PEBP4: variants seen among roughly 807,000 people sequenced by gnomAD.
PEBP4 encodes phosphatidylethanolamine-binding protein 4.
PEBP4 carries 22 observed loss-of-function variants against 23.9 expected under a neutral mutation model. That is an observed-to-expected ratio of 0.92 (90% CI 0.66 to 1.31). PEBP4 has a LOEUF of 1.31. PEBP4 is among the 40% of genes most tolerant of loss of function. PEBP4 has a pLI of 0.00. For missense variants in PEBP4, 324 were observed against 281.7 expected (o/e 1.15, Z -1.07); for synonymous variants, 112 against 99.3 (o/e 1.13, Z -0.76).
rs368572934 is a variant in PEBP4 at position 22,827,933 on chromosome 8, G to C, written c.259-10198C>G. On this transcript the variant is annotated intron_variant, in intron 3 of 6. Transcript: ENST00000256404. Reference sequence around the variant, plus strand: ...TGGCCATGCTAGTGGGTGTAAACTGGTATCTCATGTTTTTAATTTGCATTT... The same window carrying C: ...TGGCCATGCTAGTGGGTGTAAACTGCTATCTCATGTTTTTAATTTGCATTT... Among the ~76,000 whole-genome samples, 3 of 152,256 alleles carry C rather than the reference G, an allele frequency of 2.0e-5. No individual in the cohort carries two copies. The East Asian group carries it at 5.8e-4, about 29-fold the overall frequency.
chr8:22,783,669 TTTTTG>T (rs1447169401), intron 4 of PEBP4, among the ~76,000 whole-genome samples: 1 of 152,052 alleles, frequency 6.6e-6, no homozygotes, highest in Admixed American at 6.6e-5. Context: ...TGGTTTTTGG[TTTTTG>T]TTTTGTTTTG....
At chr8:22,723,889 T>C (rs976229070) in intron 6 of PEBP4, among the ~76,000 whole-genome samples, 1 of 152,170 alleles carries the variant, frequency 6.6e-6, no homozygotes, top group Non-Finnish European at 1.5e-5. Context: ...CTGTGGGGCC[T>C]CCGGCATCGC....
rs1809105322 is a variant in PEBP4 at position 22,917,620 on chromosome 8, C to T, written c.258+2564G>A. Reference sequence around the variant, plus strand: ...CTGTACTTGGCCAGATTACTCACTTCCATAGGACCTGCCTTGCATTTCCTA... The same window carrying T: ...CTGTACTTGGCCAGATTACTCACTTTCATAGGACCTGCCTTGCATTTCCTA... On this transcript the variant is annotated intron_variant, in intron 3 of 6. Coordinates refer to ENST00000256404, the MANE Select transcript of PEBP4 (RefSeq NM_144962.3). 2.0e-5 allele frequency among the ~76,000 whole-genome samples: 3 copies of T among 147,236 alleles called. No individual in the cohort carries two copies. In the South Asian group the frequency reaches 6.3e-4, roughly 31 times the overall value.
intron 3 of PEBP4, among the ~76,000 whole-genome samples, chr8:22,918,620 T>A (rs750383512): frequency 7.2e-5 from 11 of 152,150 alleles, no homozygotes; most frequent in Non-Finnish European, 1.2e-4. Context: ...AGGGAGCCCT[T>A]TGGGGAGAAT....
intron 4 of PEBP4, among the ~76,000 whole-genome samples, chr8:22,768,850 G>A (rs990127067): frequency 5.3e-5 from 8 of 152,162 alleles, no homozygotes; most frequent in Non-Finnish European, 1.2e-4. Context: ...CGAGGCAGAA[G>A]GTTCTAGAGG....
At chr8:22,815,586 G>A (rs954598957) in intron 4 of PEBP4, among the ~76,000 whole-genome samples, 6 of 152,206 alleles carry the variant, frequency 3.9e-5, no homozygotes, top group Non-Finnish European at 8.8e-5. Flanking sequence ...TATCGCTGCC[G>A]CTTCCTGCTG....
chr8:22,801,905 G>T (rs1205808631), intron 4 of PEBP4, among the ~76,000 whole-genome samples: 1 of 152,106 alleles, frequency 6.6e-6, no homozygotes, highest in East Asian at 1.9e-4. Context: ...TTTCTATGGT[G>T]ACTCCTGCCA....
intron 3 of PEBP4, among the ~76,000 whole-genome samples, chr8:22,842,137 A>T (rs1453652757): frequency 6.6e-6 from 1 of 152,260 alleles, no homozygotes; most frequent in Non-Finnish European, 1.5e-5. Flanking sequence ...AGTACAGATA[A>T]AAGGAACTGC....
chr8:22,795,761 T>C (rs1367230014), intron 4 of PEBP4, among the ~76,000 whole-genome samples: 1 of 151,824 alleles, frequency 6.6e-6, no homozygotes, highest in Non-Finnish European at 1.5e-5. Flanking sequence ...ACATGAAAGA[T>C]TTTTTTTTCC....
intron 1 of PEBP4, among the ~76,000 whole-genome samples, chr8:22,938,254 G>C (rs1379633252): frequency 6.6e-6 from 1 of 151,782 alleles, no homozygotes; most frequent in Non-Finnish European, 1.5e-5. Flanking sequence ...TGTTCAGCCT[G>C]TGTGGACTAC....
chr8:22,870,969 G>A (rs1000916327), intron 3 of PEBP4, among the ~76,000 whole-genome samples: 12 of 152,220 alleles, frequency 7.9e-5, no homozygotes, highest in African/African-American at 2.9e-4. Flanking sequence ...CGTTCTGGAG[G>A]ATCCTCTACA....
At chr8:22,859,591 G>A (rs117504533) in intron 3 of PEBP4, among the ~76,000 whole-genome samples, 1,610 of 152,232 alleles carry the variant, frequency 0.011, 20 homozygotes, top group Non-Finnish European at 0.018. Context: ...TACCTGTGAC[G>A]GCTGTCTAGT....
intron 4 of PEBP4, among the ~76,000 whole-genome samples, chr8:22,790,299 G>C (rs1378765084): frequency 1.3e-5 from 2 of 152,224 alleles, no homozygotes; most frequent in Non-Finnish European, 2.9e-5. Flanking sequence ...AGTCCAGAGT[G>C]GGGGCAGAGA....
chr8:22,929,278 C>T (rs1364085615), upstream of PEBP4, among the ~76,000 whole-genome samples: 1 of 152,230 alleles, frequency 6.6e-6, no homozygotes, highest in African/African-American at 2.4e-5. Flanking sequence ...CCATGTTGGG[C>T]CCTGGGGTAT....
intron 1 of PEBP4, among the ~76,000 whole-genome samples, chr8:22,933,273 G>C (rs2128783040): frequency 6.6e-6 from 1 of 152,284 alleles, no homozygotes; most frequent in Non-Finnish European, 1.5e-5. Context: ...TGAAGACAAA[G>C]ATTACAGTTG....
intron 4 of PEBP4, among the ~76,000 whole-genome samples, chr8:22,731,881 T>C (rs1042553254): frequency 6.6e-6 from 1 of 151,700 alleles, no homozygotes; most frequent in Non-Finnish European, 1.5e-5. Context: ...TTCACCGTGT[T>C]AGCCAGGATG....
At chr8:22,749,805 C>CTTTTTGTTTTTTTTTTTTTT (rs1805209388) in intron 4 of PEBP4, among the ~76,000 whole-genome samples, 1 of 83,762 alleles carries the variant, frequency 1.2e-5, no homozygotes, top group African/African-American at 3.9e-5. Context: ...GTTTGTCATT[C>CTTTTTGTTTTTTTTTTTTTT]TTTTTTTTTT....
chr8:22,856,216 GA>G (rs1476337223), intron 3 of PEBP4, among the ~76,000 whole-genome samples: 1 of 151,824 alleles, frequency 6.6e-6, no homozygotes. Flanking sequence ...ACAATGGAGA[GA>G]AAAATCACAA....
At chr8:22,797,214 T>C (rs1292836990) in intron 4 of PEBP4, among the ~76,000 whole-genome samples, 3 of 145,732 alleles carry the variant, frequency 2.1e-5, no homozygotes, top group South Asian at 2.2e-4. Context: ...GATTGCGCCA[T>C]TGTACTCCAG....
Sources: gnomAD v4.1 joint callset for allele counts (sites outside exome capture counted in the v4.1 genomes callset) on GRCh38, gnomAD v4.1.1 for gene constraint, MANE v1.5 for transcripts, NCBI Gene and HGNC (gene_info 2026-07-23, HGNC 2026-07-21) for gene names.